Variants in GET4 observed in about 807,000 individuals in gnomAD.
GET4 encodes guided entry of tail-anchored proteins factor 4.
A neutral mutation model predicts 40.0 loss-of-function variants in GET4; 20 were observed. The ratio of observed to expected loss-of-function variants is 0.50; its 90% confidence interval spans 0.35 to 0.73. The LOEUF (loss-of-function observed/expected upper bound fraction) is 0.73. Among genes scored for constraint, GET4 ranks in the 30% least tolerant of loss-of-function variants. The probability of loss-of-function intolerance (pLI) is 0.01; values close to 1 mark genes in which losing one functional copy is unlikely to be tolerated. For synonymous variants in GET4, 280 were observed against 194.6 expected (o/e 1.44, Z -3.65); for missense variants, 557 against 454.0 (o/e 1.23, Z -2.06).
chr7:894,370 G>A (rs1441608494), intron 8 of GET4, among the ~76,000 whole-genome samples: 3 of 152,196 alleles, frequency 2.0e-5, no homozygotes, highest in African/African-American at 7.2e-5. Flanking sequence ...GGCGGGGCGG[G>A]TGTCTCACTG....
At chr7:894,393 C>G (rs1029094037) in intron 8 of GET4, among the ~76,000 whole-genome samples, 91 of 152,256 alleles carry the variant, frequency 6.0e-4, no homozygotes, top group African/African-American at 2.1e-3. Context: ...GGTGGTGGTT[C>G]GTGGCACCGC....
intron 6 of GET4, 85 bp downstream of exon 6, chr7:892,503 T>G (rs1844349574): frequency 7.0e-7 from 1 of 1,430,522 alleles, no homozygotes; most frequent in Non-Finnish European, 9.6e-7. Context: ...TGTGGGTGTG[T>G]GTGCAAGTGT....
chr7:892,890 G>C (rs923698459), intron 6 of GET4, among the ~76,000 whole-genome samples: 3 of 151,674 alleles, frequency 2.0e-5, no homozygotes, highest in Admixed American at 6.6e-5. Flanking sequence ...GTGTGTAGAC[G>C]TGTGGGTAGC....
chr7:878,164 C>G (rs937592504), intron 1 of GET4: 10 of 426,920 alleles, frequency 2.3e-5, no homozygotes, highest in South Asian at 1.5e-4. Flanking sequence ...GCCTGGAGGG[C>G]GAGCGCGAGC....
At chr7:889,671 C>T (rs1477644798) in intron 4 of GET4, among the ~76,000 whole-genome samples, 4 of 147,488 alleles carry the variant, frequency 2.7e-5, no homozygotes, top group East Asian at 3.9e-4. Context: ...GGTGTTAGGA[C>T]GGGGTCTGGG....
intron 5 of GET4, among the ~76,000 whole-genome samples, chr7:891,519 G>A (rs1462483535): frequency 1.3e-5 from 2 of 149,974 alleles, no homozygotes; most frequent in African/African-American, 4.9e-5. Flanking sequence ...GGCGCTGTCT[G>A]CTCCTGCGTG....
At chr7:890,836 G>T (rs1844303550) in intron 4 of GET4, 92 bp from the exon 5 acceptor site, 2 of 1,053,958 alleles carry the variant, frequency 1.9e-6, no homozygotes, top group Admixed American at 3.5e-5. Context: ...GCGGGCAGGT[G>T]GGCTAGAATT....
chr7:896,233 C>CCGTT lies in GET4; in HGVS notation c.*813_*816dup, dbSNP rs1844490659. The CCGTT allele has an allele frequency of 6.6e-6, 1 of 152,212 alleles. No individual in the cohort carries two copies. Among genetic ancestry groups the CCGTT allele is most frequent in the Admixed American group, 6.5e-5 (1 of 15,284 alleles). 9.4% of individuals were successfully genotyped at this position (152,212 alleles called of 1,614,324 possible). ...ATAACCGGTCCAGGAGTGAGCAGCT[C>CCGTT]CGTTCTGTCAGATGCTACTCCAAAT... On this transcript the variant is annotated 3_prime_UTR_variant, in exon 9 of 9. Transcript: ENST00000265857.
In GET4 at chr7:876,804, C is replaced by T. The variant is rs750487701; in HGVS notation, c.155+4C>T. On this transcript the variant is annotated splice_donor_region_variant and intron_variant, in intron 1 of 8. Coordinates refer to ENST00000265857, the MANE Select transcript of GET4 (RefSeq NM_015949.3). ...TGTACCGGACCCTGTTCTTCAGGTA[C>T]CCGCGCCCGGCCCTCGCCGCAGCCC... 11 of 1,202,242 alleles carry T rather than the reference C, an allele frequency of 9.1e-6. No individual in the cohort carries two copies. In the Admixed American group the frequency reaches 1.8e-4, roughly 19 times the overall value. 74.5% of individuals were successfully genotyped at this position (1,202,242 alleles called of 1,614,324 possible). A position where few individuals can be genotyped will look rare whatever the true frequency, so the allele number is the denominator to read the frequency against.
At chr7:894,921 C>A (rs564572942) in intron 8 of GET4, among the ~76,000 whole-genome samples, 1 of 152,204 alleles carries the variant, frequency 6.6e-6, no homozygotes, top group East Asian at 1.9e-4. Flanking sequence ...CCAGTTGATT[C>A]ATGTGTCACT....
chr7:878,309 C>T (rs1485779021), intron 1 of GET4: 1 of 471,032 alleles, frequency 2.1e-6, no homozygotes, highest in African/African-American at 2.0e-5. Context: ...ACAGTTACTG[C>T]AGAATGTTCA....
chr7:888,791 G>T (rs368573072), intron 4 of GET4, among the ~76,000 whole-genome samples: 1 of 152,228 alleles, frequency 6.6e-6, no homozygotes, highest in Non-Finnish European at 1.5e-5. Flanking sequence ...GAACACGGCC[G>T]CAGACAACCC....
At chr7:886,336 G>A in intron 2 of GET4, 1 of 605,186 alleles carries the variant, frequency 1.7e-6, no homozygotes, top group Non-Finnish European at 2.9e-6. Flanking sequence ...CTGCGTTTGT[G>A]CACGATGGGG....
chr7:892,333 C>G lies in GET4; in HGVS notation c.661C>G (p.Gln221Glu), dbSNP rs909914200. The change falls in exon 6 of 9, where the codon CAG becomes GAG. Residue 221 changes from glutamine to glutamate, a missense_variant. By Grantham distance (29) the Gln-to-Glu change is conservative. Transcript: ENST00000265857. ...ATCGGTGGTCTTCACGACGTACACC[C>G]AGAAGCACCCGTCCATCGAGGACGG... ...SASVVFTTYT[Q>E]KHPSIEDGPP... 2 of 1,596,816 alleles carry G rather than the reference C, an allele frequency of 1.3e-6. No homozygotes were observed. Among genetic ancestry groups the G allele is most frequent in the African/African-American group, 2.7e-5 (2 of 74,804 alleles).
At chr7:887,227 G>A in intron 3 of GET4, 143 bp from the exon 4 acceptor site, 2 of 852,912 alleles carry the variant, frequency 2.3e-6, no homozygotes, top group South Asian at 2.7e-5. Flanking sequence ...TCAGTGTGGT[G>A]GTCCACGGCT....
chr7:892,247 C>T (rs1348503652), intron 5 of GET4, 31 bp from the exon 6 acceptor site: 1 of 1,582,052 alleles, frequency 6.3e-7, no homozygotes. Context: ...GTCCTCCAGC[C>T]CTTCCACCAC....
intron 4 of GET4, among the ~76,000 whole-genome samples, chr7:887,753 G>A (rs1454094840): frequency 2.6e-5 from 4 of 152,228 alleles, no homozygotes; most frequent in Admixed American, 2.6e-4. Flanking sequence ...CCTTCCCGTG[G>A]GACGTTCTGA....
intron 1 of GET4, chr7:881,294 C>A (rs1428384365): frequency 1.3e-5 from 2 of 152,334 alleles, no homozygotes; most frequent in South Asian, 2.1e-4. Flanking sequence ...ACAGAAGATA[C>A]CACGGCACTG....
chr7:894,648 C>T (rs190656549), intron 8 of GET4, among the ~76,000 whole-genome samples: 12 of 152,318 alleles, frequency 7.9e-5, no homozygotes, highest in African/African-American at 2.2e-4. Context: ...ACTCTCCAGT[C>T]GAAACCGCAG....
Sources: allele counts gnomAD v4.1 joint callset (sites outside exome capture counted in the v4.1 genomes callset), GRCh38; gene constraint gnomAD v4.1.1; transcripts MANE v1.5; gene names NCBI Gene and HGNC (gene_info 2026-07-23, HGNC 2026-07-21).